LRMDA: variants seen among roughly 807,000 people sequenced by gnomAD.
LRMDA encodes leucine rich melanocyte differentiation associated, also known as leucine-rich melanocyte differentiation-associated protein.
In LRMDA, 18 loss-of-function variants were observed where a neutral mutation model predicts 29.8. That is an observed-to-expected ratio of 0.60 (90% CI 0.42 to 0.90). The LOEUF is 0.90. Ranked by LOEUF, LRMDA falls within the 40% of genes least tolerant of loss-of-function variation. LRMDA has a pLI of 0.00. For synonymous variants in LRMDA, 125 were observed against 109.4 expected, an observed-to-expected ratio of 1.14 and a Z score of -0.89; for missense variants, 273 against 273.9, an observed-to-expected ratio of 1.00 and a Z score of 0.02.
At chr10:75,569,514 GT>G (rs1840412009) in intron 2 of LRMDA, among the ~76,000 whole-genome samples, 1 of 152,112 alleles carries the variant, frequency 6.6e-6, no homozygotes, top group Non-Finnish European at 1.5e-5. Context: ...TCCCCTGTCA[GT>G]TTAGCAATCA....
chr10:75,962,940 A>G (rs998371331), intron 2 of LRMDA, among the ~76,000 whole-genome samples: 7 of 152,194 alleles, frequency 4.6e-5, no homozygotes, highest in African/African-American at 1.7e-4. Flanking sequence ...CCTGTTATTG[A>G]TGTATGGATT....
intron 2 of LRMDA, among the ~76,000 whole-genome samples, chr10:75,516,407 G>C (rs1845289417): frequency 6.6e-6 from 1 of 152,182 alleles, no homozygotes; most frequent in Non-Finnish European, 1.5e-5. Flanking sequence ...TAACTGGTGT[G>C]AGATGGTATC....
At chr10:76,341,525 C>G (rs116470437) in intron 6 of LRMDA, among the ~76,000 whole-genome samples, 1 of 152,076 alleles carries the variant, frequency 6.6e-6, no homozygotes, top group Non-Finnish European at 1.5e-5. Context: ...CCAGTTAGTA[C>G]GGCTGTGTAA....
chr10:75,694,550 A>T (rs1842208761), intron 2 of LRMDA, among the ~76,000 whole-genome samples: 1 of 152,212 alleles, frequency 6.6e-6, no homozygotes, highest in South Asian at 2.1e-4. Flanking sequence ...TCACATTTGC[A>T]CACAGGAATT....
At chr10:75,490,254 C>A (rs1844968701) in intron 2 of LRMDA, among the ~76,000 whole-genome samples, 1 of 151,972 alleles carries the variant, frequency 6.6e-6, no homozygotes, top group Admixed American at 6.6e-5. Flanking sequence ...GAGGTGTTCC[C>A]TGATGGGCAC....
chr10:76,225,673 A>G (rs1851940093), intron 5 of LRMDA, among the ~76,000 whole-genome samples: 1 of 145,746 alleles, frequency 6.9e-6, no homozygotes, highest in Non-Finnish European at 1.5e-5. Flanking sequence ...GCTGTAAAGA[A>G]ATATCTGAGA....
chr10:75,523,190 T>C (rs1000350094), intron 2 of LRMDA, among the ~76,000 whole-genome samples: 2 of 152,322 alleles, frequency 1.3e-5, no homozygotes, highest in Admixed American at 1.3e-4. Context: ...TGTCCACATA[T>C]AGGTTGTTGC....
At chr10:76,363,254 A>AGAAG (rs774111711) in intron 6 of LRMDA, among the ~76,000 whole-genome samples, 3 of 46,446 alleles carry the variant, frequency 6.5e-5, no homozygotes, top group Admixed American at 4.2e-4. Flanking sequence ...AAAGAAAGAA[A>AGAAG]GAAGGAAGGA....
At chr10:76,051,642 T>C (rs1848533431) in intron 4 of LRMDA, among the ~76,000 whole-genome samples, 1 of 152,220 alleles carries the variant, frequency 6.6e-6, no homozygotes, top group South Asian at 2.1e-4. Context: ...ACATTTTTAT[T>C]GTAAGTCAAC....
chr10:76,176,619 C>T (rs1372154812), intron 5 of LRMDA, among the ~76,000 whole-genome samples: 1 of 152,086 alleles, frequency 6.6e-6, no homozygotes, highest in African/African-American at 2.4e-5. Context: ...CATGGTGAAA[C>T]CCCGTCTCTA....
At chr10:76,113,571 G>T (rs1342955116) in intron 5 of LRMDA, among the ~76,000 whole-genome samples, 1 of 152,028 alleles carries the variant, frequency 6.6e-6, no homozygotes, top group Non-Finnish European at 1.5e-5. Context: ...GCTTTTTCTT[G>T]ACCAATGAAA....
chr10:75,742,761 C>G (rs539999915), intron 2 of LRMDA: 1 of 152,124 alleles, frequency 6.6e-6, no homozygotes, highest in Non-Finnish European at 1.5e-5. Flanking sequence ...GAGAAACTTG[C>G]AAAAAGGATA....
chr10:75,656,429 T>TTGTTAC (rs1287498503), intron 2 of LRMDA, among the ~76,000 whole-genome samples: 1 of 152,216 alleles, frequency 6.6e-6, no homozygotes, highest in Admixed American at 6.5e-5. Flanking sequence ...TTGGTTGCTG[T>TTGTTAC]TGTTACTGTT....
chr10:76,504,226 T>C (rs1486643567), intron 6 of LRMDA, among the ~76,000 whole-genome samples: 3 of 151,986 alleles, frequency 2.0e-5, no homozygotes, highest in Non-Finnish European at 4.4e-5. Flanking sequence ...TTTGAATTTA[T>C]TGAGACTTCC....
At chr10:75,742,473 A>C (rs1842841635) in intron 2 of LRMDA, among the ~76,000 whole-genome samples, 1 of 152,340 alleles carries the variant, frequency 6.6e-6, no homozygotes, top group East Asian at 1.9e-4. Flanking sequence ...GTCCTCCCCC[A>C]ACACTTGAAT....
intron 6 of LRMDA, among the ~76,000 whole-genome samples, chr10:76,366,997 T>A (rs932372234): frequency 1.3e-5 from 2 of 152,236 alleles, no homozygotes; most frequent in Non-Finnish European, 2.9e-5. Flanking sequence ...TTTTTCTGCA[T>A]CTGTTAAGAT....
chr10:75,783,568 A>G, intron 2 of LRMDA, among the ~76,000 whole-genome samples: 1 of 152,180 alleles, frequency 6.6e-6, no homozygotes, highest in East Asian at 1.9e-4. Context: ...TGTTGTAGAA[A>G]TAGACTCAGC....
chr10:76,278,154 T>C (rs1043509496), intron 5 of LRMDA, among the ~76,000 whole-genome samples: 8 of 152,216 alleles, frequency 5.3e-5, no homozygotes, highest in African/African-American at 1.9e-4. Flanking sequence ...TGGCACTGTC[T>C]GGGATGAGCT....
chr10:76,306,670 A>T (rs956207367), intron 5 of LRMDA, among the ~76,000 whole-genome samples: 2 of 152,220 alleles, frequency 1.3e-5, no homozygotes, highest in Non-Finnish European at 2.9e-5. Context: ...TAATGGGGAA[A>T]TGCTTTTGGA....
Sources: gnomAD v4.1 joint callset for allele counts (sites outside exome capture counted in the v4.1 genomes callset) on GRCh38, gnomAD v4.1.1 for gene constraint, MANE v1.5 for transcripts, NCBI Gene and HGNC (gene_info 2026-07-23, HGNC 2026-07-21) for gene names.